SMAP2: variants seen among roughly 807,000 people sequenced by gnomAD.
SMAP2 encodes small ArfGAP2, also known as stromal membrane-associated protein 2.
Under a neutral mutation model 56.4 loss-of-function variants are expected in SMAP2, and 25 were observed. That is an observed-to-expected ratio of 0.44 (90% CI 0.32 to 0.62). The LOEUF is 0.62. SMAP2 is among the 20% of genes least tolerant of loss of function. The pLI, the probability that SMAP2 is intolerant of heterozygous loss-of-function variation, is 0.04. For missense variants in SMAP2, 388 were observed against 545.6 expected, an observed-to-expected ratio of 0.71 and a Z score of 2.88; for synonymous variants, 157 against 181.7, an observed-to-expected ratio of 0.86 and a Z score of 1.09.
chr1:40,411,736 A>G (rs961918465), intron 4 of SMAP2, among the ~76,000 whole-genome samples: 3 of 152,240 alleles, frequency 2.0e-5, no homozygotes, highest in Non-Finnish European at 2.9e-5. Context: ...TATAATGGAC[A>G]GATAAAACAT....
chr1:40,396,137 T>A (rs982139333), intron 1 of SMAP2, among the ~76,000 whole-genome samples: 1 of 152,152 alleles, frequency 6.6e-6, no homozygotes, highest in Non-Finnish European at 1.5e-5. Context: ...TCTCCAAACC[T>A]CCATCTTTAT....
chr1:40,406,496 T>C (rs1326488987), intron 1 of SMAP2, among the ~76,000 whole-genome samples: 1 of 152,162 alleles, frequency 6.6e-6, no homozygotes, highest in Non-Finnish European at 1.5e-5. Flanking sequence ...TGTTCTGGAA[T>C]TAGATAGTAG....
At chr1:40,389,094 C>T (rs1301475923) in intron 1 of SMAP2, among the ~76,000 whole-genome samples, 7 of 152,150 alleles carry the variant, frequency 4.6e-5, no homozygotes, top group Non-Finnish European at 1.0e-4. Flanking sequence ...ACACTCACTG[C>T]GAGGGTCCAC....
chr1:40,355,012 G>A (rs1243284365), intron 1 of SMAP2, among the ~76,000 whole-genome samples: 1 of 151,628 alleles, frequency 6.6e-6, no homozygotes, highest in African/African-American at 2.4e-5. Flanking sequence ...TCAAACTCCT[G>A]GCCTCAAGTC....
chr1:40,398,342 G>GC (rs11412016), intron 1 of SMAP2, among the ~76,000 whole-genome samples: 137,967 of 152,054 alleles, frequency 0.91, 62,844 homozygotes, highest in African/African-American at 0.98. Context: ...CAGTACTCCC[G>GC]CTCAGCCTCC....
At chr1:40,405,068 C>T (rs193160233) in intron 1 of SMAP2, among the ~76,000 whole-genome samples, 14 of 151,772 alleles carry the variant, frequency 9.2e-5, no homozygotes, top group Admixed American at 5.3e-4. Context: ...GCAGTATTTG[C>T]GATAGTAAAT....
intron 1 of SMAP2, among the ~76,000 whole-genome samples, chr1:40,345,873 G>GTATTGTGTTA (rs1481569104): frequency 2.0e-5 from 2 of 102,304 alleles, no homozygotes; most frequent in African/African-American, 9.5e-5. Context: ...ATATTATATT[G>GTATTGTGTTA]TATTATATTG....
chr1:40,422,256 T>C lies in SMAP2; in HGVS notation c.*155T>C. 1 of 994,046 alleles carries C rather than the reference T, an allele frequency of 1.0e-6. No individual in the cohort carries two copies. Among genetic ancestry groups the C allele is most frequent in the Non-Finnish European group, 1.5e-6 (1 of 683,992 alleles). 61.6% of individuals were successfully genotyped at this position (994,046 alleles called of 1,614,324 possible). Reference sequence around the variant, plus strand: ...GGGGTTTGGCATCCTGCCCAGCCACTTCCCAAACATGAAGACCTCTCTGTT... The same window carrying C: ...GGGGTTTGGCATCCTGCCCAGCCACCTCCCAAACATGAAGACCTCTCTGTT... On this transcript the variant is annotated 3_prime_UTR_variant, in exon 10 of 10. Transcript: ENST00000372718.
At position 40,373,953 on chromosome 1, in the gene SMAP2, A is replaced by T. The variant is rs1244118148; in HGVS notation, c.-168A>T. 1.7e-6 allele frequency: 1 copy of T among 572,230 alleles called. No homozygotes were observed. The highest frequency in any genetic ancestry group is 3.1e-5 in the Admixed American group (1 of 31,990). The allele number at this position is 572,230 out of a possible 1,614,324, so 35.4% of individuals were successfully genotyped here. A position where few individuals can be genotyped will look rare whatever the true frequency, so the allele number is the denominator to read the frequency against. ...CGAGGGGCTGCGGAGTGGGGGACGG[A>T]CGCCCCCGACCCGGGAAGGGGCGTC... On this transcript the variant is annotated 5_prime_UTR_variant, in exon 1 of 10. Transcript: ENST00000372718.
intron 4 of SMAP2, 132 bp from the exon 5 acceptor site, chr1:40,412,884 C>G (rs773970033): frequency 4.6e-6 from 3 of 654,172 alleles, no homozygotes; most frequent in Non-Finnish European, 7.8e-6. Flanking sequence ...ACACCGCCCC[C>G]CAAGCTTGTC....
Position 40,422,225 on chromosome 1 carries a change from T to A in SMAP2, c.*124T>A. Reference sequence around the variant, plus strand: ...TTTGGTTTAGAAATTGCTCAATAAGTCATTTGGGGTTTGGCATCCTGCCCA... The same window carrying A: ...TTTGGTTTAGAAATTGCTCAATAAGACATTTGGGGTTTGGCATCCTGCCCA... On this transcript the variant is annotated 3_prime_UTR_variant, in exon 10 of 10. Coordinates refer to ENST00000372718, the MANE Select transcript of SMAP2 (RefSeq NM_022733.3). 1.5e-6 allele frequency: 2 copies of A among 1,365,194 alleles called. No homozygotes were observed. The highest frequency in any genetic ancestry group is 2.0e-6 in the Non-Finnish European group (2 of 1,011,400). 84.6% of individuals were successfully genotyped at this position (1,365,194 alleles called of 1,614,324 possible). A position where few individuals can be genotyped will look rare whatever the true frequency, so the allele number is the denominator to read the frequency against.
chr1:40,379,854 T>C (rs1328805137), intron 1 of SMAP2, among the ~76,000 whole-genome samples: 1 of 152,146 alleles, frequency 6.6e-6, no homozygotes, highest in Non-Finnish European at 1.5e-5. Flanking sequence ...TTTGAAGGCA[T>C]CTTAGAAAGT....
chr1:40,377,281 G>A (rs1224900726), intron 1 of SMAP2, among the ~76,000 whole-genome samples: 2 of 152,202 alleles, frequency 1.3e-5, no homozygotes, highest in Admixed American at 6.5e-5. Flanking sequence ...GGGTCAGAGA[G>A]CAAGACCCTG....
chr1:40,398,225 C>CATTT (rs1009570810), intron 1 of SMAP2, among the ~76,000 whole-genome samples: 8 of 151,690 alleles, frequency 5.3e-5, no homozygotes, highest in African/African-American at 1.2e-4. Flanking sequence ...CATACGCGTA[C>CATTT]ATTTATTTAT....
At chr1:40,418,183 C>T (rs1645008366) in intron 9 of SMAP2, among the ~76,000 whole-genome samples, 1 of 152,024 alleles carries the variant, frequency 6.6e-6, no homozygotes, top group Admixed American at 6.5e-5. Flanking sequence ...GGATAAAAAA[C>T]TGCATGCTGT....
chr1:40,386,623 G>A lies in SMAP2; in HGVS notation c.103+12400G>A, dbSNP rs1224501270. On this transcript the variant is annotated intron_variant, in intron 1 of 9. Coordinates refer to ENST00000372718, the MANE Select transcript of SMAP2 (RefSeq NM_022733.3). This position sits in a 1 kb window ranked among gnomAD's most constrained non-coding sequence, Gnocchi z 4.1. ...TTCATTAGACTTCTCATACATTTAA[G>A]GAAAAAAAGATTTGTTGCCATAGGA... 6.6e-6 allele frequency among the ~76,000 whole-genome samples: 1 copy of A among 151,826 alleles called. No homozygotes were observed. Among genetic ancestry groups the A allele is most frequent in the Non-Finnish European group, 1.5e-5 (1 of 67,988 alleles).
chr1:40,357,236 C>T (rs926710364), intron 1 of SMAP2, among the ~76,000 whole-genome samples: 1 of 152,004 alleles, frequency 6.6e-6, no homozygotes, highest in Admixed American at 6.6e-5. Flanking sequence ...TTTTGGATCA[C>T]CTGAGGTCAG....
intron 1 of SMAP2, among the ~76,000 whole-genome samples, chr1:40,388,283 C>T (rs980886078): frequency 7.2e-5 from 11 of 152,358 alleles, no homozygotes; most frequent in South Asian, 2.1e-4. Flanking sequence ...AGCCCCAGTG[C>T]GAGATCCACT....
At chr1:40,355,869 C>A (rs185519760) in intron 1 of SMAP2, among the ~76,000 whole-genome samples, 65 of 152,170 alleles carry the variant, frequency 4.3e-4, no homozygotes, top group Admixed American at 2.0e-3. Flanking sequence ...CTCAGCCCCC[C>A]CAAAATGCTG....
Sources: gnomAD v4.1 joint callset for allele counts (sites outside exome capture counted in the v4.1 genomes callset) on GRCh38, gnomAD v4.1.1 for gene constraint, Gnocchi (gnomAD v3.1) non-coding constraint, MANE v1.5 for transcripts, NCBI Gene and HGNC (gene_info 2026-07-23, HGNC 2026-07-21) for gene names.